The following EGF variants were observed in gnomAD, a reference collection of about 807,000 sequenced individuals.
EGF encodes epidermal growth factor.
In EGF, 95 loss-of-function variants were observed where a neutral mutation model predicts 143.8. That is an observed-to-expected ratio of 0.66 (90% CI 0.56 to 0.78). The LOEUF is 0.78. EGF is among the 30% of genes least tolerant of loss of function. EGF has a pLI of 0.00. For synonymous variants in EGF, 510 were observed against 510.5 expected (o/e 1.00, Z 0.01); for missense variants, 1,320 against 1,470.9 (o/e 0.90, Z 1.68).
At chr4:109,945,731 A>C (rs1169502299) in intron 5 of EGF, among the ~76,000 whole-genome samples, 1 of 152,240 alleles carries the variant, frequency 6.6e-6, no homozygotes, top group African/African-American at 2.4e-5. Flanking sequence ...GTAAATTTTT[A>C]GAGAAGTGAC....
chr4:110,008,306 A>T, intron 23 of EGF, 76 bp downstream of exon 23: 2 of 1,512,752 alleles, frequency 1.3e-6, no homozygotes, highest in Non-Finnish European at 1.8e-6. Context: ...GAAAAGTCTC[A>T]TTTAACCACA....
chr4:109,979,941 G>T, intron 13 of EGF, 31 bp from the exon 14 acceptor site: 1 of 1,612,842 alleles, frequency 6.2e-7, no homozygotes, highest in South Asian at 1.1e-5. Context: ...AGACAAAGAA[G>T]GTGTATTTAA....
rs11569117 is a variant in EGF, at chr4:110,007,756, G to A, written c.3292-396G>A. 4.4e-3 allele frequency among the ~76,000 whole-genome samples: 677 copies of A among 152,172 alleles called. 4 individuals carry two copies. The highest frequency in any genetic ancestry group is 0.015 in the African/African-American group (607 of 41,508). On this transcript the variant is annotated intron_variant, in intron 22 of 23. Transcript: ENST00000265171. ...ATGAGTGTTATTAATGTGTGTGTGCGTGTGTGTGTATGAAAAGTTGTAGCA... is the reference window on the plus strand; with the variant it reads ...ATGAGTGTTATTAATGTGTGTGTGCATGTGTGTGTATGAAAAGTTGTAGCA...
At position 110,008,601 on chromosome 4, in the gene EGF, A is replaced by G. The variant is rs114945864; in HGVS notation, c.3370+371A>G. ...TTAAGTTGTAAATGGCTCCAAGAAA[A>G]CATGTTCCATGTTCAGCCCATCTAG... is the stretch of plus-strand genomic sequence containing the variant. On this transcript the variant is annotated intron_variant, in intron 23 of 23. Coordinates refer to ENST00000265171, the MANE Select transcript of EGF (RefSeq NM_001963.6). 6.3e-3 allele frequency among the ~76,000 whole-genome samples: 962 copies of G among 152,264 alleles called. 14 individuals are homozygous for G. Among genetic ancestry groups the G allele is most frequent in the African/African-American group, 0.022 (915 of 41,540 alleles).
At chr4:110,008,094 T>C (rs1560776549) in intron 22 of EGF, 58 bp from the exon 23 acceptor site, 8 of 1,464,738 alleles carry the variant, frequency 5.5e-6, no homozygotes, top group Non-Finnish European at 7.7e-6. Flanking sequence ...TCAATGTACG[T>C]TGAGATAATT....
intron 1 of EGF, among the ~76,000 whole-genome samples, chr4:109,937,926 T>C (rs183544662): frequency 1.3e-5 from 2 of 152,322 alleles, no homozygotes; most frequent in African/African-American, 4.8e-5. Context: ...TCGACCTTTC[T>C]CTCTGGCTGC....
At chr4:109,933,552 C>T (rs1407350354) in intron 1 of EGF, among the ~76,000 whole-genome samples, 1 of 151,756 alleles carries the variant, frequency 6.6e-6, no homozygotes, top group Non-Finnish European at 1.5e-5. Flanking sequence ...AGGTATTTCT[C>T]CCAACGCTAT....
At chr4:109,948,501 G>T (rs376378646) in intron 5 of EGF, among the ~76,000 whole-genome samples, 1 of 151,642 alleles carries the variant, frequency 6.6e-6, no homozygotes, top group Non-Finnish European at 1.5e-5. Context: ...TTTTTGGGGG[G>T]GTGGATGAAG....
chr4:109,914,985 G>A (rs1212286032), intron 1 of EGF, among the ~76,000 whole-genome samples: 1 of 152,214 alleles, frequency 6.6e-6, no homozygotes, highest in Non-Finnish European at 1.5e-5. Context: ...CCAGGTTGCT[G>A]AAGCAGAACC....
chr4:109,951,915 T>C (rs1365751566), intron 5 of EGF, among the ~76,000 whole-genome samples: 1 of 152,248 alleles, frequency 6.6e-6, no homozygotes, highest in Non-Finnish European at 1.5e-5. Flanking sequence ...GCACAGATCA[T>C]GGAGTCAAAA....
At chr4:109,989,043 T>C (rs1325423012) in intron 18 of EGF, among the ~76,000 whole-genome samples, 2 of 152,134 alleles carry the variant, frequency 1.3e-5, no homozygotes, top group African/African-American at 2.4e-5. Flanking sequence ...TTGGACAGCA[T>C]TTACTTGTCA....
chr4:109,975,895 C>A, intron 12 of EGF, 117 bp from the exon 13 acceptor site: 1 of 1,158,860 alleles, frequency 8.6e-7, no homozygotes, highest in Non-Finnish European at 1.3e-6. Flanking sequence ...TTCTGTATTC[C>A]TTAGTGTACC....
chr4:109,993,206 G>A (rs753983801), intron 18 of EGF, 41 bp from the exon 19 acceptor site: 2 of 1,611,320 alleles, frequency 1.2e-6, no homozygotes, highest in Non-Finnish European at 8.5e-7. Flanking sequence ...CTCTTTTTCT[G>A]TACCCCACTT....
chr4:109,916,104 T>G (rs1375381165), intron 1 of EGF, among the ~76,000 whole-genome samples: 1 of 152,102 alleles, frequency 6.6e-6, no homozygotes, highest in African/African-American at 2.4e-5. Context: ...TAATAAAGGG[T>G]AAGGAAGAAG....
intron 1 of EGF, among the ~76,000 whole-genome samples, chr4:109,927,075 GT>G (rs1351242367): frequency 6.6e-6 from 1 of 152,072 alleles, no homozygotes; most frequent in Non-Finnish European, 1.5e-5. Flanking sequence ...ATACCTTCTG[GT>G]TAGTTTTCAT....
chr4:109,981,188 C>G (rs1256829042), intron 15 of EGF, among the ~76,000 whole-genome samples: 3 of 152,144 alleles, frequency 2.0e-5, no homozygotes. Context: ...CTAGTGGTAA[C>G]AGTCTTAAGC....
At chr4:109,969,189 A>T in intron 11 of EGF, 70 bp downstream of exon 11, 1 of 1,601,176 alleles carries the variant, frequency 6.2e-7, no homozygotes. Context: ...TATTGGCTTC[A>T]TCTTCCACTT....
chr4:109,949,405 A>C (rs1443501768), intron 5 of EGF, among the ~76,000 whole-genome samples: 1 of 152,170 alleles, frequency 6.6e-6, no homozygotes, highest in Non-Finnish European at 1.5e-5. Context: ...GAGGTTACTT[A>C]GGGGAAAAAA....
At chr4:109,971,561 T>TC (rs1747665357) in intron 11 of EGF, among the ~76,000 whole-genome samples, 1 of 152,130 alleles carries the variant, frequency 6.6e-6, no homozygotes, top group Non-Finnish European at 1.5e-5. Flanking sequence ...AGGCAAGGCG[T>TC]TCAGGAGATA....
Sources: gnomAD v4.1 joint callset for allele counts (sites outside exome capture counted in the v4.1 genomes callset) on GRCh38, gnomAD v4.1.1 for gene constraint, MANE v1.5 for transcripts, NCBI Gene and HGNC (gene_info 2026-07-23, HGNC 2026-07-21) for gene names.